Variants in CHKA observed in about 807,000 individuals in gnomAD.
CHKA encodes CHETK-alpha.
CHKA carries 34 observed loss-of-function variants against 60.1 expected under a neutral mutation model. That is an observed-to-expected ratio of 0.57 (90% CI 0.43 to 0.75). CHKA has a LOEUF of 0.75. CHKA is among the 30% of genes least tolerant of loss of function. CHKA has a pLI of 0.00. For synonymous variants in CHKA, 217 were observed against 223.1 expected (o/e 0.97, Z 0.24); for missense variants, 563 against 561.3 (o/e 1.00, Z -0.03).
At chr11:68,060,032 C>CTTTTTTTTTCTTT (rs778681950) in intron 11 of CHKA, among the ~76,000 whole-genome samples, 1 of 134,186 alleles carries the variant, frequency 7.5e-6, no homozygotes, top group Non-Finnish European at 1.6e-5. Context: ...GAGTTTCACT[C>CTTTTTTTTTCTTT]TTTTTTTTTT....
intron 1 of CHKA, among the ~76,000 whole-genome samples, chr11:68,112,515 C>T (rs1858195456): frequency 6.6e-6 from 1 of 152,186 alleles, no homozygotes; most frequent in Non-Finnish European, 1.5e-5. Context: ...CCATCTTGTC[C>T]TCCCCAAGTG....
At chr11:68,074,893 G>A in intron 3 of CHKA, 63 bp from the exon 4 acceptor site, 1 of 1,475,604 alleles carries the variant, frequency 6.8e-7, no homozygotes, top group Non-Finnish European at 9.4e-7. Context: ...GGCATCAGAA[G>A]CACTCTCACA....
chr11:68,088,027 C>A (rs754931136), intron 2 of CHKA, among the ~76,000 whole-genome samples: 2 of 143,368 alleles, frequency 1.4e-5, no homozygotes, highest in African/African-American at 2.6e-5. Context: ...GCATAAGAAT[C>A]GCTTGAACCT....
chr11:68,114,699 GAAAA>G (rs544983763), intron 1 of CHKA, among the ~76,000 whole-genome samples: 1 of 131,138 alleles, frequency 7.6e-6, no homozygotes, highest in African/African-American at 2.8e-5. Flanking sequence ...TCTGTCTCGG[GAAAA>G]AAAAAAAAAA....
intron 1 of CHKA, among the ~76,000 whole-genome samples, chr11:68,111,431 G>A (rs1342229620): frequency 2.0e-5 from 3 of 148,144 alleles, no homozygotes; most frequent in African/African-American, 7.5e-5. Flanking sequence ...AAAAAAAAAT[G>A]AGCCAGGTAT....
chr11:68,077,295 T>G (rs1856824331), intron 3 of CHKA, among the ~76,000 whole-genome samples: 1 of 152,084 alleles, frequency 6.6e-6, no homozygotes, highest in Admixed American at 6.5e-5. Flanking sequence ...AATGACAGGT[T>G]AAGGACAGCA....
At chr11:68,096,451 A>C (rs1387078300) in intron 2 of CHKA, among the ~76,000 whole-genome samples, 1 of 152,186 alleles carries the variant, frequency 6.6e-6, no homozygotes, top group Non-Finnish European at 1.5e-5. Context: ...AACCCAGACA[A>C]GTTGGGATAT....
intron 1 of CHKA, among the ~76,000 whole-genome samples, chr11:68,103,090 T>G (rs1012167535): frequency 6.6e-6 from 1 of 152,176 alleles, no homozygotes. Flanking sequence ...AAGCTATGAA[T>G]GCACCACTGT....
intron 1 of CHKA, among the ~76,000 whole-genome samples, chr11:68,103,154 CA>C (rs2153026607): frequency 6.6e-6 from 1 of 151,890 alleles, no homozygotes; most frequent in Admixed American, 6.6e-5. Flanking sequence ...AAAAACAAGG[CA>C]AAAGACCCAA....
At chr11:68,096,054 A>C (rs1233032024) in intron 2 of CHKA, among the ~76,000 whole-genome samples, 1 of 150,534 alleles carries the variant, frequency 6.6e-6, no homozygotes, top group Non-Finnish European at 1.5e-5. Flanking sequence ...AAAAAAAAAA[A>C]AATTCTACCA....
intron 7 of CHKA, among the ~76,000 whole-genome samples, chr11:68,067,950 G>A (rs1214117516): frequency 1.3e-5 from 2 of 152,304 alleles, no homozygotes; most frequent in East Asian, 1.9e-4. Flanking sequence ...GCTCAAGGTG[G>A]GACCTGAACT....
chr11:68,095,402 CAAAAAAAAA>C (rs35029853), intron 2 of CHKA, among the ~76,000 whole-genome samples: 1 of 12,502 alleles, frequency 8.0e-5, no homozygotes, highest in African/African-American at 3.4e-4. Context: ...GACTCCATCT[CAAAAAAAAA>C]AAAAAAAAAA....
At chr11:68,059,537 C>T (rs945084574) in intron 11 of CHKA, among the ~76,000 whole-genome samples, 1 of 152,022 alleles carries the variant, frequency 6.6e-6, no homozygotes, top group Non-Finnish European at 1.5e-5. Flanking sequence ...GCTACAAAGC[C>T]GTAAGTTTCT....
At chr11:68,088,569 T>C (rs890697371) in intron 2 of CHKA, among the ~76,000 whole-genome samples, 6 of 152,146 alleles carry the variant, frequency 3.9e-5, no homozygotes, top group Non-Finnish European at 7.4e-5. Context: ...CATGACTCTA[T>C]AGAATGTGTT....
intron 1 of CHKA, among the ~76,000 whole-genome samples, chr11:68,111,438 G>A (rs946537780): frequency 7.3e-5 from 11 of 151,710 alleles, no homozygotes; most frequent in African/African-American, 2.7e-4. Context: ...AATGAGCCAG[G>A]TATGGTGGTA....
chr11:68,110,718 C>G (rs868125852), intron 1 of CHKA, among the ~76,000 whole-genome samples: 10 of 152,104 alleles, frequency 6.6e-5, no homozygotes, highest in Non-Finnish European at 1.5e-4. Flanking sequence ...TACAGGGAAG[C>G]CAGGCACAGT....
At chr11:68,078,270 C>A (rs1856856033) in intron 3 of CHKA, among the ~76,000 whole-genome samples, 1 of 152,190 alleles carries the variant, frequency 6.6e-6, no homozygotes. Context: ...ACATTTCATG[C>A]CCCACTAGAG....
At chr11:68,079,488 C>T (rs1461471431) in intron 3 of CHKA, among the ~76,000 whole-genome samples, 4 of 152,098 alleles carry the variant, frequency 2.6e-5, no homozygotes, top group African/African-American at 9.7e-5. Context: ...CGCCACCACG[C>T]CTGGCTAATT....
intron 1 of CHKA, among the ~76,000 whole-genome samples, chr11:68,105,964 A>G (rs1436715992): frequency 6.6e-6 from 1 of 152,214 alleles, no homozygotes; most frequent in African/African-American, 2.4e-5. Flanking sequence ...AAATCACGAC[A>G]TAACCAGTGT....
Sources: gnomAD v4.1 joint callset for allele counts (sites outside exome capture counted in the v4.1 genomes callset) on GRCh38, gnomAD v4.1.1 for gene constraint, MANE v1.5 for transcripts, NCBI Gene and HGNC (gene_info 2026-07-23, HGNC 2026-07-21) for gene names.